Variants in CDH20 observed in about 807,000 individuals in gnomAD.
CDH20 encodes the protein cadherin-20.
In CDH20, 29 loss-of-function variants were observed where a neutral mutation model predicts 74.2. The observed-to-expected ratio is 0.39, with a 90% CI of 0.29 to 0.53. CDH20 has a LOEUF of 0.53. Among genes scored for constraint, CDH20 ranks in the 20% least tolerant of loss-of-function variants. The pLI, the probability that CDH20 is intolerant of heterozygous loss-of-function variation, is 0.69. For missense variants in CDH20, 988 were observed against 1,048.3 expected (o/e 0.94, Z 0.79); for synonymous variants, 469 against 405.4 (o/e 1.16, Z -1.88).
chr18:61,509,258 G>T (rs905339173), intron 6 of CDH20, among the ~76,000 whole-genome samples: 1 of 152,180 alleles, frequency 6.6e-6, no homozygotes, highest in Admixed American at 6.5e-5. Flanking sequence ...GGGTGATTGG[G>T]ACTGGTGTCA....
At chr18:61,451,256 T>G in intron 1 of CDH20, among the ~76,000 whole-genome samples, 1 of 152,044 alleles carries the variant, frequency 6.6e-6, no homozygotes, top group East Asian at 1.9e-4. Context: ...TACTGTCAAA[T>G]TTTCAGAAAT....
intron 1 of CDH20, among the ~76,000 whole-genome samples, chr18:61,477,437 T>A (rs942914196): frequency 3.3e-5 from 5 of 152,236 alleles, no homozygotes; most frequent in African/African-American, 7.2e-5. Context: ...TTTGTACTTA[T>A]AAAACTGCAA....
chr18:61,398,426 T>C (rs1343994969), intron 1 of CDH20, among the ~76,000 whole-genome samples: 1 of 152,194 alleles, frequency 6.6e-6, no homozygotes, highest in Non-Finnish European at 1.5e-5. Flanking sequence ...TAGCTGGTTA[T>C]GATTAGGAGA....
chr18:61,495,995 G>A (rs71359624), intron 2 of CDH20, among the ~76,000 whole-genome samples: 4 of 139,492 alleles, frequency 2.9e-5, no homozygotes, highest in African/African-American at 8.2e-5. Flanking sequence ...CCCTTTCCCC[G>A]CCTTCTTCCC....
Position 61,550,237 on chromosome 18 carries a change from AG to A in CDH20, c.1900+12del. On this transcript the variant is annotated intron_variant, in intron 11 of 11. Transcript: ENST00000262717. Reference sequence around the variant, plus strand: ...GCATCTTTGTCCTCTTAGGTGAGTAAGGGGCTGCTTTCCCTTCTGTGGAGTC... The same window carrying A: ...GCATCTTTGTCCTCTTAGGTGAGTAAGGGCTGCTTTCCCTTCTGTGGAGTC... The A allele has an allele frequency of 6.2e-7, 1 of 1,609,800 alleles. No homozygotes were observed. The highest frequency in any genetic ancestry group is 1.1e-5 in the South Asian group (1 of 90,904).
At chr18:61,443,561 G>A (rs528011035) in intron 1 of CDH20, among the ~76,000 whole-genome samples, 11 of 152,192 alleles carry the variant, frequency 7.2e-5, no homozygotes, top group South Asian at 4.1e-4. Context: ...TGTGGCCCTC[G>A]GACCAGCACC....
chr18:61,370,511 G>T (rs1048379536), intron 1 of CDH20, among the ~76,000 whole-genome samples: 1 of 151,956 alleles, frequency 6.6e-6, no homozygotes. Context: ...AATAAAAATT[G>T]TATGTATTTA....
chr18:61,341,886 C>T (rs1241358250), intron 1 of CDH20, among the ~76,000 whole-genome samples: 1 of 152,188 alleles, frequency 6.6e-6, no homozygotes, highest in African/African-American at 2.4e-5. Context: ...GTTGCGTCTA[C>T]CTTTATGCTT....
At chr18:61,376,180 A>C (rs954071157) in intron 1 of CDH20, among the ~76,000 whole-genome samples, 6 of 152,134 alleles carry the variant, frequency 3.9e-5, no homozygotes, top group African/African-American at 1.4e-4. Context: ...CCTGATTTTC[A>C]TATCAAATGT....
intron 1 of CDH20, among the ~76,000 whole-genome samples, chr18:61,479,235 G>T (rs1910502859): frequency 6.6e-6 from 1 of 151,738 alleles, no homozygotes; most frequent in South Asian, 2.1e-4. Context: ...ACCCAAGATG[G>T]CTCTGAAAGA....
At chr18:61,444,076 G>A (rs1909118947) in intron 1 of CDH20, among the ~76,000 whole-genome samples, 1 of 152,094 alleles carries the variant, frequency 6.6e-6, no homozygotes, top group Non-Finnish European at 1.5e-5. Context: ...GGGGCTTATA[G>A]CTAGTCAAGG....
intron 7 of CDH20, among the ~76,000 whole-genome samples, chr18:61,532,817 T>G (rs2144380566): frequency 6.6e-6 from 1 of 152,338 alleles, no homozygotes; most frequent in Non-Finnish European, 1.5e-5. Flanking sequence ...TGCTGGCAAC[T>G]TTAAATCAAA....
intron 1 of CDH20, among the ~76,000 whole-genome samples, chr18:61,410,438 A>G (rs535198998): frequency 6.6e-6 from 1 of 152,328 alleles, no homozygotes; most frequent in South Asian, 2.1e-4. Context: ...AAGTATTTGC[A>G]TATGCTTCTA....
At chr18:61,356,816 G>T (rs988807974) in intron 1 of CDH20, among the ~76,000 whole-genome samples, 11 of 152,168 alleles carry the variant, frequency 7.2e-5, no homozygotes, top group African/African-American at 2.7e-4. Context: ...TCTAGATCAG[G>T]CAGGGAGACA....
intron 5 of CDH20, among the ~76,000 whole-genome samples, chr18:61,504,574 C>A (rs1014848376): frequency 6.6e-6 from 1 of 151,980 alleles, no homozygotes; most frequent in South Asian, 2.1e-4. Context: ...GAGCTATGAA[C>A]GTGGAACAGA....
chr18:61,469,182 C>T (rs1291949101), intron 1 of CDH20, among the ~76,000 whole-genome samples: 1 of 152,160 alleles, frequency 6.6e-6, no homozygotes, highest in Non-Finnish European at 1.5e-5. Context: ...TCAGCCTCTG[C>T]TTCAGATCAG....
At chr18:61,344,011 T>C (rs899526515) in intron 1 of CDH20, among the ~76,000 whole-genome samples, 1 of 152,112 alleles carries the variant, frequency 6.6e-6, no homozygotes, top group Non-Finnish European at 1.5e-5. Context: ...TCAGGGAAGG[T>C]ATCAGAGGTC....
rs1912500890 is a variant in CDH20, at chr18:61,528,113, G to A, written c.1164G>A (p.Val388=). Residue 388 remains valine (V), a synonymous_variant, in exon 7 of 12, where the codon GTG becomes GTA. Transcript: ENST00000262717. ...TGGAAGACGTGGACGAGCCCCCTGT[G>A]TTTGAACCTGGCTTTTACTTTGTGG... ...ISVEDVDEPP[V]FEPGFYFVEV... The A allele has an allele frequency of 1.2e-6, 2 of 1,614,168 alleles. No individual in the cohort carries two copies. Among genetic ancestry groups the A allele is most frequent in the Middle Eastern group, 1.6e-4 (1 of 6,062 alleles).
intron 1 of CDH20, among the ~76,000 whole-genome samples, chr18:61,475,021 C>T (rs1427690931): frequency 6.6e-6 from 1 of 150,416 alleles, no homozygotes; most frequent in Non-Finnish European, 1.5e-5. Flanking sequence ...CCTTAAGGTC[C>T]TGTCAAGTAT....
Sources: allele counts gnomAD v4.1 joint callset (sites outside exome capture counted in the v4.1 genomes callset), GRCh38; gene constraint gnomAD v4.1.1; transcripts MANE v1.5; gene names NCBI Gene and HGNC (gene_info 2026-07-23, HGNC 2026-07-21).